CLVS1: variants seen among roughly 807,000 people sequenced by gnomAD.
CLVS1 encodes clavesin 1.
In CLVS1, 10 loss-of-function variants were observed where a neutral mutation model predicts 33.1. That is an observed-to-expected ratio of 0.30 (90% CI 0.19 to 0.51). The LOEUF (loss-of-function observed/expected upper bound fraction) is 0.51, where lower values mean the gene tolerates loss of function less well. Ranked by LOEUF, CLVS1 falls within the 20% of genes least tolerant of loss-of-function variation. CLVS1 has a pLI of 0.97. For synonymous variants in CLVS1, 163 were observed against 166.1 expected, an observed-to-expected ratio of 0.98 and a Z score of 0.14; for missense variants, 343 against 433.4, an observed-to-expected ratio of 0.79 and a Z score of 1.85.
intron 3 of CLVS1, among the ~76,000 whole-genome samples, chr8:61,434,000 G>A (rs1456477683): frequency 6.6e-6 from 1 of 152,026 alleles, no homozygotes; most frequent in Non-Finnish European, 1.5e-5. Flanking sequence ...AAAGCGAGAG[G>A]CACAAAGCAG....
rs578116830 is a variant in CLVS1, at chr8:61,251,010, C to T, written c.-151-48667C>T. 2.6e-4 allele frequency among the ~76,000 whole-genome samples: 39 copies of T among 152,300 alleles called. 2 individuals carry two copies. Among genetic ancestry groups the T allele is most frequent in the African/African-American group, 9.4e-4 (39 of 41,566 alleles). On this transcript the variant is annotated intron_variant, in intron 2 of 2. Coordinates refer to the CLVS1 transcript ENST00000522621. ...CTTGTGCCAGTTTTCAAAGGGAATG[C>T]TTCCAGTTTTTGCCCATTCAGTATG...
At chr8:61,249,128 T>C (rs998851124) in intron 2 of CLVS1, among the ~76,000 whole-genome samples, 3 of 152,176 alleles carry the variant, frequency 2.0e-5, no homozygotes, top group Admixed American at 2.0e-4. Context: ...TGTGTTCTCA[T>C]TGTTCAAATC....
At chr8:61,098,498 T>C (rs989767474) in intron 1 of CLVS1, among the ~76,000 whole-genome samples, 1 of 152,012 alleles carries the variant, frequency 6.6e-6, no homozygotes, top group Non-Finnish European at 1.5e-5. Context: ...CAGACCAACA[T>C]TTCTGCTAGA....
At chr8:61,385,268 A>T (rs1214293274) in intron 3 of CLVS1, among the ~76,000 whole-genome samples, 1 of 152,210 alleles carries the variant, frequency 6.6e-6, no homozygotes, top group Admixed American at 6.5e-5. Flanking sequence ...GCACCAAAGA[A>T]GAGATCTCTG....
At chr8:61,024,707 G>A in the CLVS1 span, among the ~76,000 whole-genome samples, 1 of 152,060 alleles carries the variant, frequency 6.6e-6, no homozygotes, top group African/African-American at 2.4e-5. Context: ...TTTCCCAGGA[G>A]GACTGTGGTG....
At chr8:61,088,487 C>CAAAAAAAAA (rs59394782) in intron 1 of CLVS1, among the ~76,000 whole-genome samples, 11 of 105,320 alleles carry the variant, frequency 1.0e-4, no homozygotes, top group African/African-American at 3.4e-4. Context: ...GAGACTGTCT[C>CAAAAAAAAA]AAAAAAAAAA....
At position 61,454,096 on chromosome 8, in the gene CLVS1, AGGTGTGCTTACTAATC is replaced by A. The variant is rs756384557; in HGVS notation, c.631-37_631-22del. 5 of 1,322,770 alleles carry A rather than the reference AGGTGTGCTTACTAATC, an allele frequency of 3.8e-6. No individual in the cohort carries two copies. In the African/African-American group the frequency reaches 7.2e-5, roughly 19 times the overall value. 81.9% of individuals were successfully genotyped at this position (1,322,770 alleles called of 1,614,324 possible). A position where few individuals can be genotyped will look rare whatever the true frequency, so the allele number is the denominator to read the frequency against. On this transcript the variant is annotated intron_variant, in intron 3 of 5. Transcript: ENST00000325897. ...TTGGTCCTGCTGGTCCAGTCTAACA[AGGTGTGCTTACTAATC>A]GGTGTGCATTTCTCTCTTTCTGCCC...
intron 2 of CLVS1, among the ~76,000 whole-genome samples, chr8:61,258,207 A>G (rs766099471): frequency 4.6e-5 from 7 of 152,204 alleles, no homozygotes; most frequent in Admixed American, 6.5e-5. Flanking sequence ...AGTGATTTTG[A>G]TAATGAACAA....
intron 1 of CLVS1, among the ~76,000 whole-genome samples, chr8:61,290,795 C>A (rs1321791506): frequency 6.6e-6 from 1 of 152,114 alleles, no homozygotes; most frequent in Non-Finnish European, 1.5e-5. Context: ...TATATGCAAT[C>A]AGTCCAGAAA....
At chr8:60,992,423 G>C in the CLVS1 span, among the ~76,000 whole-genome samples, 2 of 152,230 alleles carry the variant, frequency 1.3e-5, no homozygotes, top group African/African-American at 4.8e-5. Context: ...AGGAGACGGA[G>C]TTTCCCTGAG....
Position 61,479,856 on chromosome 8 carries a change from C to G in CLVS1, c.978-19599C>G, listed in dbSNP as rs547363223. 5.9e-5 allele frequency among the ~76,000 whole-genome samples: 9 copies of G among 152,260 alleles called. No individual in the cohort carries two copies. The South Asian group carries it at 1.5e-3, about 25-fold the overall frequency. On this transcript the variant is annotated intron_variant, in intron 5 of 5. Coordinates refer to ENST00000325897, the MANE Select transcript of CLVS1 (RefSeq NM_173519.3). ...AGTTTGCTGGAAGTCCACTCCAGAC[C>G]CTGTTTGCCTGGGTATCAGCAGCGG...
intron 3 of CLVS1, among the ~76,000 whole-genome samples, chr8:61,405,349 T>C (rs894825917): frequency 1.3e-5 from 2 of 152,176 alleles, no homozygotes; most frequent in Non-Finnish European, 2.9e-5. Context: ...TGTTTAAGTG[T>C]AAAAAGCAGC....
intron 2 of CLVS1, among the ~76,000 whole-genome samples, chr8:61,208,326 G>T (rs577668535): frequency 7.9e-5 from 12 of 152,264 alleles, no homozygotes; most frequent in Admixed American, 6.5e-4. Flanking sequence ...TTGGAGCAAG[G>T]TATCCAGATG....
chr8:61,355,191 C>T (rs887303418), intron 2 of CLVS1, among the ~76,000 whole-genome samples: 1 of 152,098 alleles, frequency 6.6e-6, no homozygotes, highest in Non-Finnish European at 1.5e-5. Context: ...GAATTCAACT[C>T]TATTGGCACA....
At chr8:61,149,551 C>CAAAAAAAAAAAAAAAAAAAAAA (rs1166606940) in intron 2 of CLVS1, among the ~76,000 whole-genome samples, 61 of 51,904 alleles carry the variant, frequency 1.2e-3, no homozygotes, top group Middle Eastern at 9.1e-3. Flanking sequence ...GACTCTGTCT[C>CAAAAAAAAAAAAAAAAAAAAAA]AAAAAAAAAA....
At chr8:61,257,552 T>A (rs1372338145) in intron 2 of CLVS1, among the ~76,000 whole-genome samples, 1 of 152,210 alleles carries the variant, frequency 6.6e-6, no homozygotes, top group Non-Finnish European at 1.5e-5. Flanking sequence ...AGATTTTCTA[T>A]GTACCATTGC....
At chr8:61,320,431 A>G (rs1811154465) in intron 2 of CLVS1, among the ~76,000 whole-genome samples, 1 of 152,200 alleles carries the variant, frequency 6.6e-6, no homozygotes, top group African/African-American at 2.4e-5. Flanking sequence ...TGGTTAACTT[A>G]GATTTTTCAA....
chr8:61,102,739 C>T (rs1190244210), intron 1 of CLVS1, among the ~76,000 whole-genome samples: 1 of 151,322 alleles, frequency 6.6e-6, no homozygotes, highest in Non-Finnish European at 1.5e-5. Flanking sequence ...TACTGCCAGG[C>T]CATAAGGGGC....
chr8:61,396,603 G>A (rs1053275710), intron 3 of CLVS1, among the ~76,000 whole-genome samples: 7 of 152,074 alleles, frequency 4.6e-5, no homozygotes, highest in Non-Finnish European at 7.4e-5. Flanking sequence ...TATATTCACC[G>A]TTGTGTAACC....
Sources: allele counts gnomAD v4.1 joint callset (sites outside exome capture counted in the v4.1 genomes callset), GRCh38; gene constraint gnomAD v4.1.1; transcripts MANE v1.5; gene names NCBI Gene and HGNC (gene_info 2026-07-23, HGNC 2026-07-21).